Variants in FBXW11 observed in about 807,000 individuals in gnomAD.
The protein encoded by FBXW11 is F-box and WD repeat domain containing 11.
In FBXW11, 19 loss-of-function variants were observed where a neutral mutation model predicts 77.6. The ratio of observed to expected loss-of-function variants is 0.24; its 90% CI spans 0.17 to 0.36. FBXW11 has a LOEUF of 0.36. Among genes scored for constraint, FBXW11 ranks in the 10% least tolerant of loss-of-function variants. FBXW11 has a pLI of 1.00. For missense variants in FBXW11, 334 were observed against 704.2 expected (o/e 0.47, Z 5.95); for synonymous variants, 235 against 249.4 (o/e 0.94, Z 0.54).
intron 1 of FBXW11, among the ~76,000 whole-genome samples, chr5:171,963,027 G>C (rs571487581): frequency 3.7e-4 from 57 of 152,124 alleles, no homozygotes; most frequent in African/African-American, 1.3e-3. Flanking sequence ...TCTCACTCCT[G>C]TCATCATGAT....
chr5:171,914,666 T>C (rs912875886), intron 2 of FBXW11, among the ~76,000 whole-genome samples: 1 of 152,098 alleles, frequency 6.6e-6, no homozygotes, highest in Non-Finnish European at 1.5e-5. Context: ...AAAGGCTAAA[T>C]TGTGGGAGTA....
intron 1 of FBXW11, among the ~76,000 whole-genome samples, chr5:171,993,408 T>A (rs571297541): frequency 6.6e-6 from 1 of 152,058 alleles, no homozygotes; most frequent in Non-Finnish European, 1.5e-5. Context: ...GGTCAAGAGA[T>A]CGAGACCATC....
rs986705327 is a variant in FBXW11 at position 171,997,147 on chromosome 5, G to C, written c.45+9311C>G. 2.8e-6 allele frequency: 3 copies of C among 1,076,026 alleles called. No homozygotes were observed. The African/African-American group carries it at 4.9e-5, about 18-fold the overall frequency. The allele number at this position is 1,076,026 out of a possible 1,614,324, so 66.7% of individuals were successfully genotyped here. A position where few individuals can be genotyped will look rare whatever the true frequency, so the allele number is the denominator to read the frequency against. ...GGAAGGAAGGGTCAATGGAATGGTGGATCTGAGGCACAGGAAAAAAGTTAT... is the reference window on the plus strand; with the variant it reads ...GGAAGGAAGGGTCAATGGAATGGTGCATCTGAGGCACAGGAAAAAAGTTAT... On this transcript the variant is annotated intron_variant, in intron 1 of 13. Coordinates refer to ENST00000517395, the MANE Select transcript of FBXW11 (RefSeq NM_001378974.1).
chr5:172,006,252 G>A (rs1208200552), intron 1 of FBXW11, among the ~76,000 whole-genome samples: 1 of 152,222 alleles, frequency 6.6e-6, no homozygotes, highest in Non-Finnish European at 1.5e-5. Flanking sequence ...GAGGGGCATG[G>A]AGGGGGCCGG....
rs367894806 is a variant in FBXW11 at position 171,891,156 on chromosome 5, T to C, written c.852+311A>G. 2.1e-4 allele frequency among the ~76,000 whole-genome samples: 32 copies of C among 152,298 alleles called. No individual in the cohort carries two copies. In the South Asian group the frequency reaches 6.4e-3, roughly 31 times the overall value. ...ACCATAAAAGGTAACACCTTTGGTT[T>C]ATAAACTACCAATACCAGCTGGCAA... is the stretch of plus-strand genomic sequence containing the variant. On this transcript the variant is annotated intron_variant, in intron 7 of 13. Transcript: ENST00000517395.
chr5:171,953,769 C>T (rs1198399062), intron 2 of FBXW11, among the ~76,000 whole-genome samples: 1 of 152,086 alleles, frequency 6.6e-6, no homozygotes, highest in East Asian at 1.9e-4. Flanking sequence ...GTAGTAGGAA[C>T]AGGACTAGAA....
intron 7 of FBXW11, among the ~76,000 whole-genome samples, chr5:171,890,626 C>T (rs1759281766): frequency 6.6e-6 from 1 of 152,070 alleles, no homozygotes; most frequent in African/African-American, 2.4e-5. Flanking sequence ...CCTCAGTTTT[C>T]ACGCAATGAA....
intron 2 of FBXW11, among the ~76,000 whole-genome samples, chr5:171,944,388 AC>A (rs1762896803): frequency 6.6e-6 from 1 of 151,956 alleles, no homozygotes; most frequent in Admixed American, 6.6e-5. Context: ...ATCCTGGCTA[AC>A]ATGGTGAAAC....
intron 7 of FBXW11, among the ~76,000 whole-genome samples, chr5:171,878,591 T>TGTGTG (rs1561640265): frequency 0.073 from 6,989 of 95,458 alleles, 296 homozygotes; most frequent in Middle Eastern, 0.13. Flanking sequence ...TGTGTGTGTG[T>TGTGTG]AAGAGAGAGA....
intron 4 of FBXW11, among the ~76,000 whole-genome samples, chr5:171,908,397 C>G (rs1025802184): frequency 2.6e-5 from 4 of 152,176 alleles, no homozygotes; most frequent in African/African-American, 9.7e-5. Flanking sequence ...TTTGAACCAA[C>G]CCCTACCATC....
At chr5:171,937,890 C>T (rs1197837632) in intron 2 of FBXW11, among the ~76,000 whole-genome samples, 1 of 149,000 alleles carries the variant, frequency 6.7e-6, no homozygotes, top group Non-Finnish European at 1.5e-5. Context: ...TAAACTTTTG[C>T]ACAGCATTTT....
chr5:171,910,579 A>C lies in FBXW11; in HGVS notation c.429T>G (p.Ala143=). The change falls in exon 4 of 14, where the codon GCT becomes GCG. Residue 143 remains alanine, a synonymous_variant. Coordinates refer to ENST00000517395, the MANE Select transcript of FBXW11 (RefSeq NM_001378974.1). ...KPMLQRDFIT[A]LPEQGLDHIA... is the part of the protein sequence containing the mutation. ...AAAGACAAGTACAGTTACCTGGTAAAGCGGTAATAAAGTCCCGCTGCAACA... is the reference window on the plus strand; with the variant it reads ...AAAGACAAGTACAGTTACCTGGTAACGCGGTAATAAAGTCCCGCTGCAACA... The C allele has an allele frequency of 6.2e-7, 1 of 1,611,916 alleles. No homozygotes were observed. The highest frequency in any genetic ancestry group is 8.5e-7 in the Non-Finnish European group (1 of 1,178,630).
At chr5:171,928,234 A>G (rs1162172202) in intron 2 of FBXW11, among the ~76,000 whole-genome samples, 1 of 152,228 alleles carries the variant, frequency 6.6e-6, no homozygotes, top group Non-Finnish European at 1.5e-5. Context: ...AGTATAAAAT[A>G]TTGCAGAAAA....
At chr5:171,996,980 C>A in intron 1 of FBXW11, 1 of 1,289,712 alleles carries the variant, frequency 7.8e-7, no homozygotes, top group Non-Finnish European at 1.0e-6. Flanking sequence ...AGCAGTCAAG[C>A]ATCTTCCAAG....
At chr5:171,929,661 C>T (rs1489188960) in intron 2 of FBXW11, among the ~76,000 whole-genome samples, 1 of 151,706 alleles carries the variant, frequency 6.6e-6, no homozygotes, top group Non-Finnish European at 1.5e-5. Flanking sequence ...ACCATCCTGG[C>T]TAATGTGGTG....
chr5:171,867,859 C>G (rs1301457348), intron 13 of FBXW11: 1 of 152,108 alleles, frequency 6.6e-6, no homozygotes, highest in Non-Finnish European at 1.5e-5. Context: ...AACATTTATT[C>G]AATCTACAAA....
intron 2 of FBXW11, among the ~76,000 whole-genome samples, chr5:171,935,208 C>T (rs1187701928): frequency 6.6e-6 from 1 of 152,192 alleles, no homozygotes; most frequent in Non-Finnish European, 1.5e-5. Flanking sequence ...CTGCCCACCT[C>T]GGCCTCCCAA....
At chr5:171,886,598 T>C (rs1295112704) in intron 7 of FBXW11, among the ~76,000 whole-genome samples, 1 of 151,262 alleles carries the variant, frequency 6.6e-6, no homozygotes, top group Non-Finnish European at 1.5e-5. Flanking sequence ...AAATAAATAA[T>C]AAAATAAAAC....
intron 2 of FBXW11, among the ~76,000 whole-genome samples, chr5:171,924,566 C>T (rs762541056): frequency 3.9e-5 from 6 of 152,024 alleles, no homozygotes; most frequent in Non-Finnish European, 5.9e-5. Flanking sequence ...TTCTTGGATG[C>T]GGGACAAGAA....
Sources: allele counts gnomAD v4.1 joint callset (sites outside exome capture counted in the v4.1 genomes callset), GRCh38; gene constraint gnomAD v4.1.1; transcripts MANE v1.5; gene names NCBI Gene and HGNC (gene_info 2026-07-23, HGNC 2026-07-21).